Variants in CPM observed in about 807,000 individuals in gnomAD.
CPM encodes renal carboxypeptidase.
In CPM, 35 loss-of-function variants were observed where a neutral mutation model predicts 46.4. The observed-to-expected ratio is 0.75, with a 90% CI of 0.58 to 1.00. The LOEUF (loss-of-function observed/expected upper bound fraction) is 1.00. CPM is among the 50% of genes least tolerant of loss of function. CPM has a pLI of 0.00. For missense variants in CPM, 422 were observed against 530.4 expected (o/e 0.80, Z 2.01); for synonymous variants, 195 against 195.3 (o/e 1.00, Z 0.01).
rs1220913507 is a variant in CPM at position 68,856,577 on chromosome 12, C to T, written c.1192G>A (p.Gly398Arg). The T allele has an allele frequency of 1.2e-6, 2 of 1,614,206 alleles. No homozygotes were observed. The highest frequency in any genetic ancestry group is 1.6e-4 in the Middle Eastern group (1 of 6,062). Reference protein sequence around the residue: ...LKKDILLPFQGQLDSIPVSNP... With the variant: ...LKKDILLPFQRQLDSIPVSNP... ...GATACTGGGATAGAATCCAATTGCCCTTGGAATGGAAGTAGAATATCCTTT... is the reference window on the plus strand; with the variant it reads ...GATACTGGGATAGAATCCAATTGCCTTTGGAATGGAAGTAGAATATCCTTT... Residue 398 changes from glycine to arginine, a missense_variant, in exon 9 of 9, where the codon GGG (glycine) becomes AGG (arginine). Coordinates refer to ENST00000551568, the MANE Select transcript of CPM (RefSeq NM_198320.5).
intron 7 of CPM, 59 bp downstream of exon 7, chr12:68,866,837 G>C: frequency 6.9e-7 from 1 of 1,455,822 alleles, no homozygotes; most frequent in South Asian, 1.2e-5. Context: ...TCAACCCAGA[G>C]GTCTTGCCAG....
At chr12:68,902,314 T>TA (rs1786764038) in intron 2 of CPM, among the ~76,000 whole-genome samples, 1 of 152,178 alleles carries the variant, frequency 6.6e-6, no homozygotes, top group Non-Finnish European at 1.5e-5. Flanking sequence ...TATTTTACTT[T>TA]AAAAAACTCC....
chr12:68,912,407 C>T (rs560950270), intron 2 of CPM, among the ~76,000 whole-genome samples: 4 of 152,276 alleles, frequency 2.6e-5, no homozygotes, highest in African/African-American at 9.6e-5. Context: ...CCTGATACCA[C>T]CATCTTTTTC....
At chr12:68,931,336 C>A (rs1430459691) in intron 2 of CPM, among the ~76,000 whole-genome samples, 1 of 152,064 alleles carries the variant, frequency 6.6e-6, no homozygotes, top group Non-Finnish European at 1.5e-5. Context: ...TTTGAACACA[C>A]CTTACAAAAA....
chr12:68,924,468 A>C (rs542754200), intron 2 of CPM, among the ~76,000 whole-genome samples: 1 of 124,456 alleles, frequency 8.0e-6, no homozygotes, highest in South Asian at 2.9e-4. Flanking sequence ...CGACAGAGCG[A>C]GACTCCATAT....
intron 2 of CPM, among the ~76,000 whole-genome samples, chr12:68,922,329 A>G (rs967024886): frequency 6.6e-6 from 1 of 152,228 alleles, no homozygotes; most frequent in Admixed American, 6.5e-5. Flanking sequence ...AATAACTGTC[A>G]ATTCATGATA....
Position 68,947,255 on chromosome 12 carries a change from A to G in CPM, c.-3-14415T>C, listed in dbSNP as rs117463012. Among the ~76,000 whole-genome samples, 35 of 152,330 alleles carry G rather than the reference A, an allele frequency of 2.3e-4. No individual in the cohort carries two copies. In the East Asian group the frequency reaches 6.2e-3, roughly 27 times the overall value. ...CCAGGCAGAGGAAATAGTATGTTTT[A>G]TTTTACATAGTCATGTAGTTTTTAT... On this transcript the variant is annotated intron_variant, in intron 1 of 8. Coordinates refer to the CPM transcript ENST00000546373.
intron 3 of CPM, among the ~76,000 whole-genome samples, chr12:68,875,638 T>C (rs192236227): frequency 1.3e-5 from 2 of 151,710 alleles, no homozygotes; most frequent in African/African-American, 4.8e-5. Flanking sequence ...AAACCCTGTC[T>C]CTACTAAAAA....
At chr12:68,844,282 T>G (rs1314030412) in intron 5 of CPM, 1 of 219,808 alleles carries the variant, frequency 4.5e-6, no homozygotes, top group Non-Finnish European at 9.1e-6. Flanking sequence ...CAAGTCTGAA[T>G]GTGTTTCTTT....
At chr12:68,895,388 G>A (rs957066640) in intron 2 of CPM, among the ~76,000 whole-genome samples, 2 of 152,142 alleles carry the variant, frequency 1.3e-5, no homozygotes, top group Non-Finnish European at 1.5e-5. Flanking sequence ...TGTCAGCTTC[G>A]GTCCTGGAGG....
Position 68,917,540 on chromosome 12 carries a change from G to A in CPM, c.160+15138C>T, listed in dbSNP as rs569847855. Among the ~76,000 whole-genome samples, 4 of 152,286 alleles carry A rather than the reference G, an allele frequency of 2.6e-5. No individual in the cohort carries two copies. In the South Asian group the frequency reaches 8.3e-4, roughly 32 times the overall value. Reference sequence around the variant, plus strand: ...TTAACCATGACCTCTAGAGGAAAGAGTTAACATAGCCAGTATGTTTTACTC... The same window carrying A: ...TTAACCATGACCTCTAGAGGAAAGAATTAACATAGCCAGTATGTTTTACTC... On this transcript the variant is annotated intron_variant, in intron 2 of 8. Coordinates refer to ENST00000551568, the MANE Select transcript of CPM (RefSeq NM_198320.5).
chr12:68,907,562 G>T (rs901649421), intron 2 of CPM, among the ~76,000 whole-genome samples: 1 of 152,130 alleles, frequency 6.6e-6, no homozygotes, highest in African/African-American at 2.4e-5. Flanking sequence ...ACACTAAAGG[G>T]GTCATATGGT....
At chr12:68,875,875 T>C (rs893892599) in intron 3 of CPM, among the ~76,000 whole-genome samples, 3 of 151,984 alleles carry the variant, frequency 2.0e-5, no homozygotes, top group Non-Finnish European at 4.4e-5. Flanking sequence ...ATTTCACCAG[T>C]TATTTTAGTT....
downstream of CPM, chr12:68,847,275 C>G (rs1884384568): frequency 7.1e-6 from 1 of 141,594 alleles, no homozygotes; most frequent in African/African-American, 2.8e-5. Context: ...TGGGCTCAAG[C>G]AATCCTCGTG....
Position 68,962,964 on chromosome 12 carries a change from T to C in CPM, c.-4+205A>G, listed in dbSNP as rs563837358. Reference sequence around the variant, plus strand: ...CAATGTACATCTTACATGTATTGATTGATGTCTCATGTTTCCCTAAAATGT... The same window carrying C: ...CAATGTACATCTTACATGTATTGATCGATGTCTCATGTTTCCCTAAAATGT... On this transcript the variant is annotated intron_variant, in intron 1 of 8. Coordinates refer to the CPM transcript ENST00000546373. Among the ~76,000 whole-genome samples, 119 of 152,364 alleles carry C rather than the reference T, an allele frequency of 7.8e-4. 1 individual carries two copies. Among genetic ancestry groups the C allele is most frequent in the Middle Eastern group, 3.4e-3 (1 of 294 alleles).
intron 3 of CPM, among the ~76,000 whole-genome samples, chr12:68,885,044 A>T (rs1484973230): frequency 6.6e-6 from 1 of 152,194 alleles, no homozygotes; most frequent in Non-Finnish European, 1.5e-5. Flanking sequence ...CCTGGGTTCA[A>T]GCAATTCTCC....
At chr12:68,905,294 T>G (rs1022277521) in intron 2 of CPM, among the ~76,000 whole-genome samples, 1 of 151,954 alleles carries the variant, frequency 6.6e-6, no homozygotes, top group African/African-American at 2.4e-5. Context: ...CTCTCTCTCT[T>G]TTTTTAAACA....
chr12:68,867,082 C>A, intron 6 of CPM, 34 bp from the exon 7 acceptor site: 1 of 1,611,840 alleles, frequency 6.2e-7, no homozygotes, highest in South Asian at 1.1e-5. Context: ...TTGTTAGGGT[C>A]TAAAATTGGA....
intron 5 of CPM, chr12:68,845,161 C>T (rs537455815): frequency 6.3e-5 from 14 of 223,034 alleles, no homozygotes; most frequent in Non-Finnish European, 1.1e-4. Context: ...TTTTTAGTTG[C>T]GCTTTATGGG....
Sources: gnomAD v4.1 joint callset for allele counts (sites outside exome capture counted in the v4.1 genomes callset) on GRCh38, gnomAD v4.1.1 for gene constraint, MANE v1.5 for transcripts, NCBI Gene and HGNC (gene_info 2026-07-23, HGNC 2026-07-21) for gene names.